Variants in GPC5 observed in about 807,000 individuals in gnomAD.
GPC5 encodes the protein glypican-5.
GPC5 carries 47 observed loss-of-function variants against 53.9 expected under a neutral mutation model. That is an observed-to-expected ratio of 0.87 (90% CI 0.69 to 1.11). GPC5 has a LOEUF of 1.11. Ranked by LOEUF, GPC5 falls within the 50% of genes most tolerant of loss-of-function variation. The pLI is 0.00. For synonymous variants in GPC5, 286 were observed against 263.3 expected, an observed-to-expected ratio of 1.09 and a Z score of -0.84; for missense variants, 748 against 713.1, an observed-to-expected ratio of 1.05 and a Z score of -0.56.
chr13:92,703,460 T>C (rs1239094675), intron 7 of GPC5, among the ~76,000 whole-genome samples: 1 of 151,674 alleles, frequency 6.6e-6, no homozygotes, highest in Non-Finnish European at 1.5e-5. Flanking sequence ...TATCTGCCTT[T>C]TGAAAGTCTA....
intron 6 of GPC5, among the ~76,000 whole-genome samples, chr13:92,014,155 A>G (rs868133969): frequency 1.3e-5 from 2 of 152,340 alleles, no homozygotes; most frequent in Middle Eastern, 3.4e-3. Context: ...CTTAGCTCCT[A>G]GTACAGTAAC....
chr13:92,630,756 A>T (rs1195509921), intron 7 of GPC5, among the ~76,000 whole-genome samples: 1 of 152,156 alleles, frequency 6.6e-6, no homozygotes, highest in Non-Finnish European at 1.5e-5. Flanking sequence ...CACAATCCAT[A>T]TGCTGGCCTC....
At chr13:92,339,452 G>T (rs988544446) in intron 7 of GPC5, among the ~76,000 whole-genome samples, 1 of 151,970 alleles carries the variant, frequency 6.6e-6, no homozygotes, top group African/African-American at 2.4e-5. Context: ...TCATCTTATC[G>T]CATCAAAATT....
At chr13:92,184,117 T>C (rs2042166390) in intron 7 of GPC5, among the ~76,000 whole-genome samples, 1 of 152,100 alleles carries the variant, frequency 6.6e-6, no homozygotes, top group East Asian at 1.9e-4. Flanking sequence ...TGGTGTATTA[T>C]TTATACTGCA....
chr13:91,850,922 A>G (rs2038906287), intron 5 of GPC5, among the ~76,000 whole-genome samples: 2 of 152,176 alleles, frequency 1.3e-5, no homozygotes, highest in South Asian at 2.1e-4. Context: ...CATTTTTTAT[A>G]CATTGAAGAA....
intron 7 of GPC5, among the ~76,000 whole-genome samples, chr13:92,629,036 T>C (rs1885149850): frequency 6.6e-6 from 1 of 152,178 alleles, no homozygotes; most frequent in Non-Finnish European, 1.5e-5. Context: ...CACCTACGCC[T>C]ATCTTGTAAC....
At chr13:91,731,845 T>G (rs2036706210) in intron 4 of GPC5, among the ~76,000 whole-genome samples, 1 of 152,214 alleles carries the variant, frequency 6.6e-6, no homozygotes, top group African/African-American at 2.4e-5. Flanking sequence ...CCCATGTCCC[T>G]GAAAAGGACA....
At chr13:91,739,462 T>C (rs544132592) in intron 4 of GPC5, among the ~76,000 whole-genome samples, 2 of 151,614 alleles carry the variant, frequency 1.3e-5, no homozygotes, top group East Asian at 3.9e-4. Context: ...CTATTTTCTG[T>C]TAGGAATTTG....
intron 7 of GPC5, among the ~76,000 whole-genome samples, chr13:92,711,485 C>T (rs1311798510): frequency 2.6e-5 from 4 of 151,988 alleles, no homozygotes; most frequent in Admixed American, 1.3e-4. Flanking sequence ...GTTGAAGAGA[C>T]AAACCTATAA....
At chr13:92,550,588 C>CTA (rs1184335034) in intron 7 of GPC5, among the ~76,000 whole-genome samples, 3 of 151,484 alleles carry the variant, frequency 2.0e-5, no homozygotes, top group African/African-American at 7.3e-5. Context: ...CAGGTATTAT[C>CTA]TATATAAGAC....
chr13:91,650,130 T>G (rs1297886832), intron 2 of GPC5, among the ~76,000 whole-genome samples: 2 of 152,126 alleles, frequency 1.3e-5, no homozygotes, highest in Non-Finnish European at 2.9e-5. Flanking sequence ...TGTGTACTTG[T>G]GTGTATGTAT....
intron 2 of GPC5, among the ~76,000 whole-genome samples, chr13:91,465,643 G>C (rs1423406679): frequency 1.3e-5 from 2 of 152,048 alleles, no homozygotes; most frequent in African/African-American, 4.8e-5. Flanking sequence ...CCATTTAATT[G>C]GTGGTTTTAA....
intron 7 of GPC5, among the ~76,000 whole-genome samples, chr13:92,297,902 C>T (rs2043048728): frequency 6.6e-6 from 1 of 152,094 alleles, no homozygotes; most frequent in South Asian, 2.1e-4. Flanking sequence ...TGCAGCTTCA[C>T]TCCTGAGCCC....
chr13:91,485,888 T>C (rs1646577670), intron 2 of GPC5: 1 of 152,246 alleles, frequency 6.6e-6, no homozygotes, highest in South Asian at 2.1e-4. Flanking sequence ...TTTGATTGAT[T>C]ATGGATTTCT....
At chr13:91,948,230 A>G (rs1594681139) in intron 6 of GPC5, among the ~76,000 whole-genome samples, 1 of 145,636 alleles carries the variant, frequency 6.9e-6, no homozygotes, top group Middle Eastern at 3.6e-3. Context: ...TCTGTCTCAA[A>G]AAAAAAAAAA....
At chr13:92,707,072 C>G (rs1231167422) in intron 7 of GPC5, among the ~76,000 whole-genome samples, 1 of 152,050 alleles carries the variant, frequency 6.6e-6, no homozygotes, top group African/African-American at 2.4e-5. Context: ...TGGTGGCACC[C>G]TAATCTTGGA....
chr13:92,337,143 AC>A (rs2043329676), intron 7 of GPC5, among the ~76,000 whole-genome samples: 1 of 152,012 alleles, frequency 6.6e-6, no homozygotes, highest in Admixed American at 6.6e-5. Flanking sequence ...GCTCTAGTGA[AC>A]AAATGTAATT....
chr13:92,618,750 A>T (rs1188144226), intron 7 of GPC5, among the ~76,000 whole-genome samples: 2 of 151,458 alleles, frequency 1.3e-5, no homozygotes, highest in African/African-American at 2.4e-5. Flanking sequence ...TAATGATTAG[A>T]TTGACCACTA....
At chr13:91,890,385 A>G (rs2039372095) in intron 5 of GPC5, among the ~76,000 whole-genome samples, 1 of 152,110 alleles carries the variant, frequency 6.6e-6, no homozygotes, top group African/African-American at 2.4e-5. Flanking sequence ...TCTTTCCCTA[A>G]AAGTGTCACC....
Sources: allele counts gnomAD v4.1 joint callset (sites outside exome capture counted in the v4.1 genomes callset), GRCh38; gene constraint gnomAD v4.1.1; transcripts MANE v1.5; gene names NCBI Gene and HGNC (gene_info 2026-07-23, HGNC 2026-07-21).